The following SUGCT variants were observed in gnomAD, a reference collection of about 807,000 sequenced individuals.
SUGCT encodes succinyl-CoA:glutarate CoA-transferase.
A neutral mutation model predicts 55.0 loss-of-function variants in SUGCT; 41 were observed. That is an observed-to-expected ratio of 0.74 (90% CI 0.58 to 0.97). The LOEUF (loss-of-function observed/expected upper bound fraction) is 0.97. Ranked by LOEUF, SUGCT falls within the 50% of genes least tolerant of loss-of-function variation. SUGCT has a pLI of 0.00. For missense variants in SUGCT, 568 were observed against 547.8 expected, an observed-to-expected ratio of 1.04 and a Z score of -0.37; for synonymous variants, 187 against 200.4, an observed-to-expected ratio of 0.93 and a Z score of 0.56.
chr7:40,309,205 T>A (rs771556346), intron 8 of SUGCT, among the ~76,000 whole-genome samples: 15 of 152,240 alleles, frequency 9.9e-5, no homozygotes, highest in Non-Finnish European at 1.8e-4. Context: ...CCCTAGAATG[T>A]AAGCTTCATG....
intron 12 of SUGCT, among the ~76,000 whole-genome samples, chr7:40,671,102 A>G (rs955796806): frequency 6.6e-6 from 1 of 152,200 alleles, no homozygotes; most frequent in Admixed American, 6.5e-5. Context: ...ACCAAATGTT[A>G]TCTATGTCTT....
At chr7:40,226,224 A>C (rs964441566) in intron 6 of SUGCT, among the ~76,000 whole-genome samples, 2 of 152,204 alleles carry the variant, frequency 1.3e-5, no homozygotes, top group Non-Finnish European at 2.9e-5. Context: ...CTGTACCATA[A>C]GGGCAAAAGA....
At chr7:41,037,428 T>TAAA in the SUGCT span, among the ~76,000 whole-genome samples, 3 of 143,342 alleles carry the variant, frequency 2.1e-5, no homozygotes, top group African/African-American at 7.7e-5. Flanking sequence ...AATGATACTT[T>TAAA]AAAAAAAAAA....
intron 13 of SUGCT, among the ~76,000 whole-genome samples, chr7:40,796,696 A>G (rs1282355116): frequency 6.6e-6 from 1 of 152,154 alleles, no homozygotes; most frequent in Non-Finnish European, 1.5e-5. Context: ...CTGATATCAC[A>G]CCCTGGTCTT....
intron 8 of SUGCT, among the ~76,000 whole-genome samples, chr7:40,276,246 A>G (rs1792470134): frequency 1.3e-5 from 2 of 152,230 alleles, no homozygotes; most frequent in Admixed American, 1.3e-4. Flanking sequence ...TTAATAGAGA[A>G]CTACAGATGT....
At chr7:40,888,624 A>G in the SUGCT span, among the ~76,000 whole-genome samples, 1 of 152,220 alleles carries the variant, frequency 6.6e-6, no homozygotes, top group African/African-American at 2.4e-5. Context: ...ACCATGTCAC[A>G]TAATAAGGCA....
intron 13 of SUGCT, among the ~76,000 whole-genome samples, chr7:40,844,462 G>C (rs976675769): frequency 2.0e-5 from 3 of 152,108 alleles, no homozygotes; most frequent in African/African-American, 7.2e-5. Flanking sequence ...AACTCTTCTC[G>C]GAAGTCCCGC....
At chr7:40,877,260 C>A in the SUGCT span, among the ~76,000 whole-genome samples, 2 of 152,026 alleles carry the variant, frequency 1.3e-5, no homozygotes, top group Admixed American at 1.3e-4. Context: ...CTAAGAATAC[C>A]TTTCATGTTA....
At chr7:40,604,394 C>T (rs1236550267) in intron 12 of SUGCT, among the ~76,000 whole-genome samples, 2 of 152,134 alleles carry the variant, frequency 1.3e-5, no homozygotes, top group Non-Finnish European at 2.9e-5. Context: ...ACTGGCCCTT[C>T]CTCTTACATA....
chr7:40,757,381 A>G (rs1416881199), intron 13 of SUGCT, among the ~76,000 whole-genome samples: 4 of 152,134 alleles, frequency 2.6e-5, no homozygotes, highest in African/African-American at 9.6e-5. Flanking sequence ...TACTCTGGGA[A>G]TTCTTATTTC....
intron 9 of SUGCT, among the ~76,000 whole-genome samples, chr7:40,392,466 G>A (rs1273451532): frequency 6.6e-6 from 1 of 151,980 alleles, no homozygotes; most frequent in Non-Finnish European, 1.5e-5. Flanking sequence ...TGGGTGGGGG[G>A]AAGAAATGAA....
chr7:40,489,485 A>G (rs538561594), intron 11 of SUGCT, among the ~76,000 whole-genome samples: 1 of 152,094 alleles, frequency 6.6e-6, no homozygotes, highest in Non-Finnish European at 1.5e-5. Flanking sequence ...GATAGAGACC[A>G]TCCTGGACAA....
At chr7:40,996,886 G>C in the SUGCT span, among the ~76,000 whole-genome samples, 2 of 152,194 alleles carry the variant, frequency 1.3e-5, no homozygotes, top group Non-Finnish European at 2.9e-5. Flanking sequence ...TCAATCATCA[G>C]ATGAATGGGG....
the SUGCT span, among the ~76,000 whole-genome samples, chr7:40,935,950 G>A: frequency 6.6e-6 from 1 of 152,086 alleles, no homozygotes; most frequent in African/African-American, 2.4e-5. Context: ...GACTAGTCAA[G>A]TAATATTTTC....
intron 12 of SUGCT, among the ~76,000 whole-genome samples, chr7:40,523,324 T>TA (rs1583892446): frequency 6.6e-6 from 1 of 152,112 alleles, no homozygotes; most frequent in African/African-American, 2.4e-5. Flanking sequence ...AAATTATGTA[T>TA]AATTCAAATA....
chr7:40,878,560 G>C, the SUGCT span, among the ~76,000 whole-genome samples: 2 of 152,178 alleles, frequency 1.3e-5, no homozygotes, highest in African/African-American at 4.8e-5. Context: ...AGCTGCTCTA[G>C]TTTTCCTTAG....
At chr7:40,689,768 G>A (rs1387747377) in intron 12 of SUGCT, among the ~76,000 whole-genome samples, 2 of 151,658 alleles carry the variant, frequency 1.3e-5, no homozygotes, top group South Asian at 2.1e-4. Context: ...GGGGTGGGGT[G>A]GATGGATTGA....
intron 9 of SUGCT, among the ~76,000 whole-genome samples, chr7:40,378,883 G>A (rs747115402): frequency 2.6e-5 from 4 of 152,190 alleles, no homozygotes; most frequent in Non-Finnish European, 4.4e-5. Context: ...TGGCCCCTGA[G>A]ATATGTCCAT....
At chr7:40,462,587 C>A (rs190073313) in intron 11 of SUGCT, among the ~76,000 whole-genome samples, 2 of 152,048 alleles carry the variant, frequency 1.3e-5, no homozygotes, top group African/African-American at 4.8e-5. Flanking sequence ...AGGAAGACCC[C>A]GTTTCTCACC....
Sources: allele counts gnomAD v4.1 joint callset (sites outside exome capture counted in the v4.1 genomes callset), GRCh38; gene constraint gnomAD v4.1.1; transcripts MANE v1.5; gene names NCBI Gene and HGNC (gene_info 2026-07-23, HGNC 2026-07-21).